The following KCTD13 variants were observed in gnomAD, a reference collection of about 807,000 sequenced individuals.
The protein encoded by KCTD13 is BTB/POZ domain-containing adapter for CUL3-mediated RhoA degradation protein 1.
KCTD13 carries 15 observed loss-of-function variants against 32.3 expected under a neutral mutation model. The ratio of observed to expected loss-of-function variants is 0.46; its 90% CI spans 0.31 to 0.71. The LOEUF (loss-of-function observed/expected upper bound fraction) is 0.71. Ranked by LOEUF, KCTD13 falls within the 30% of genes least tolerant of loss-of-function variation. The pLI, the probability that KCTD13 is intolerant of heterozygous loss-of-function variation, is 0.05. For synonymous variants in KCTD13, 189 were observed against 200.1 expected (o/e 0.94, Z 0.47); for missense variants, 337 against 452.6 (o/e 0.74, Z 2.32).
intron 2 of KCTD13, chr16:29,922,949 AG>A (rs2068937377): frequency 2.4e-5 from 12 of 499,874 alleles, no homozygotes; most frequent in Non-Finnish European, 4.2e-5. Context: ...CTGGCTGCAT[AG>A]GAACAGTGGG....
At chr16:29,911,739 G>A in intron 4 of KCTD13, 76 bp downstream of exon 4, 3 of 1,519,576 alleles carry the variant, frequency 2.0e-6, no homozygotes, top group Non-Finnish European at 2.7e-6. Flanking sequence ...GTGTGGCCGT[G>A]GCCCTCGCCT....
chr16:29,915,995 A>G (rs1016292067), intron 2 of KCTD13, among the ~76,000 whole-genome samples: 2 of 151,884 alleles, frequency 1.3e-5, no homozygotes, highest in East Asian at 3.9e-4. Context: ...TCTCCTCTTC[A>G]GTTTTACTAT....
intron 5 of KCTD13, among the ~76,000 whole-genome samples, chr16:29,909,669 T>C (rs1183222504): frequency 1.3e-5 from 2 of 151,550 alleles, no homozygotes; most frequent in Non-Finnish European, 2.9e-5. Context: ...TTTTTGGCAA[T>C]GGGCCTTTCT....
At chr16:29,910,853 C>T in intron 5 of KCTD13, 125 bp downstream of exon 5, 1 of 824,248 alleles carries the variant, frequency 1.2e-6, no homozygotes, top group Non-Finnish European at 1.9e-6. Context: ...GTTGTGCACC[C>T]CAGACCCCAG....
chr16:29,925,762 G>C (rs1449517045), intron 1 of KCTD13, 28 bp downstream of exon 1: 4 of 1,600,416 alleles, frequency 2.5e-6, no homozygotes, highest in Middle Eastern at 1.7e-4. Flanking sequence ...GGTCTGGGGT[G>C]GGGGCACGGT....
rs1382035113 is a variant in KCTD13, at chr16:29,923,254, A to G, written c.350T>C (p.Leu117Pro). The G allele has an allele frequency of 6.2e-7, 1 of 1,614,148 alleles. No individual in the cohort carries two copies. The highest frequency in any genetic ancestry group is 8.5e-7 in the Non-Finnish European group (1 of 1,180,038). ...CAGGTAGTAGCGTGCTTCGCCCAGCAGCTCCCCCAGTTCTCTCGTACTCTC... is the reference window on the plus strand; with the variant it reads ...CAGGTAGTAGCGTGCTTCGCCCAGCGGCTCCCCCAGTTCTCTCGTACTCTC... ...LPESTRELGE[L>P]LGEARYYLVQ... The change falls in exon 2 of 6, where the codon CTG becomes CCG. Residue 117 changes from leucine (L) to proline (P), a missense_variant. Physicochemically the swap from Leu to Pro is moderately conservative, Grantham distance 98. Transcript: ENST00000568000.
intron 2 of KCTD13, among the ~76,000 whole-genome samples, chr16:29,915,971 TCTTTAA>T (rs565012059): frequency 1.7e-4 from 26 of 152,190 alleles, no homozygotes; most frequent in Non-Finnish European, 3.2e-4. Context: ...GTGTTTTTTT[TCTTTAA>T]CTTACTCTCT....
At chr16:29,925,686 T>C in intron 1 of KCTD13, 104 bp downstream of exon 1, 1 of 1,129,178 alleles carries the variant, frequency 8.9e-7, no homozygotes, top group Non-Finnish European at 1.3e-6. Flanking sequence ...GACTGGACAG[T>C]AGCGGGCAGA....
chr16:29,909,095 G>A (rs932108029), intron 5 of KCTD13, among the ~76,000 whole-genome samples: 3 of 152,066 alleles, frequency 2.0e-5, no homozygotes, highest in Admixed American at 1.3e-4. Flanking sequence ...AGCTTCCACT[G>A]TGTGAAAAGG....
chr16:29,911,423 G>A (rs1479885662), intron 4 of KCTD13: 8 of 560,254 alleles, frequency 1.4e-5, no homozygotes, highest in Non-Finnish European at 2.5e-5. Context: ...CCACCTCCCC[G>A]GGGGTCCTGG....
At chr16:29,910,942 C>G in intron 5 of KCTD13, 36 bp downstream of exon 5, 5 of 1,586,300 alleles carry the variant, frequency 3.2e-6, no homozygotes, top group Non-Finnish European at 4.3e-6. Flanking sequence ...CCTGGCCACC[C>G]CCAGCCCCCA....
chr16:29,917,134 T>C (rs2068824091), intron 2 of KCTD13, among the ~76,000 whole-genome samples: 1 of 152,090 alleles, frequency 6.6e-6, no homozygotes, highest in Non-Finnish European at 1.5e-5. Context: ...TCTGCCCTAT[T>C]TGGTGTGGGA....
At chr16:29,924,004 G>A (rs1455836817) in intron 1 of KCTD13, among the ~76,000 whole-genome samples, 2 of 151,690 alleles carry the variant, frequency 1.3e-5, no homozygotes, top group African/African-American at 2.4e-5. Flanking sequence ...GAGAAATCCC[G>A]TCTTTACTAA....
In KCTD13 at chr16:29,911,193, G is replaced by A. The variant is rs1326362197; in HGVS notation, c.558-20C>T. ...GAAGTGCTGGGGACCAGGGGACCAGGAGGCCTCAGCGCAGTTGGCACCCCT... is the reference window on the plus strand; with the variant it reads ...GAAGTGCTGGGGACCAGGGGACCAGAAGGCCTCAGCGCAGTTGGCACCCCT... On this transcript the variant is annotated intron_variant, in intron 4 of 5. Coordinates refer to ENST00000568000, the MANE Select transcript of KCTD13 (RefSeq NM_178863.5). 1.9e-6 allele frequency: 3 copies of A among 1,608,056 alleles called. No individual in the cohort carries two copies. Among genetic ancestry groups the A allele is most frequent in the African/African-American group, 2.7e-5 (2 of 74,838 alleles).
chr16:29,907,057 A>C lies in KCTD13; in HGVS notation c.805T>G (p.Tyr269Asp). 1 of 1,613,554 alleles carries C rather than the reference A, an allele frequency of 6.2e-7. No homozygotes were observed. Among genetic ancestry groups the C allele is most frequent in the Non-Finnish European group, 8.5e-7 (1 of 1,179,526 alleles). ...GGGTCTGGGCCCCGGGGAGTCTCGT[A>C]GATGAGGATGTTCAGGGTCTCCTCG... ...IFEETLNILI[Y>D]ETPRGPDPAL... The change falls in exon 6 of 6, where the codon TAC (tyrosine) becomes GAC (aspartate). Residue 269 changes from tyrosine to aspartate, a missense_variant. Tyr to Asp is a radical substitution (Grantham distance 160). This residue lies in a region of KCTD13 where 252 missense variants were observed against 340.2 expected (regional missense o/e 0.74). Coordinates refer to ENST00000568000, the MANE Select transcript of KCTD13 (RefSeq NM_178863.5).
In KCTD13 at chr16:29,911,971, T is replaced by C. The variant is rs1464351006; in HGVS notation, c.493A>G (p.Ser165Gly). 6.2e-7 allele frequency: 1 copy of C among 1,611,530 alleles called. No individual in the cohort carries two copies. The highest frequency in any genetic ancestry group is 1.7e-4 in the Middle Eastern group (1 of 5,992). The change falls in exon 3 of 6, where the codon AGC (serine) becomes GGC (glycine). Residue 165 changes from serine to glycine, a missense_variant. Ser to Gly is a moderately conservative substitution (Grantham distance 56, BLOSUM62 0). Around this residue, in one of 3 missense-constraint regions of KCTD13, gnomAD observed 252 missense variants for 340.2 expected, o/e 0.74. Transcript: ENST00000568000. Reference protein sequence around the residue: ...SPREEQQLLASTSKPVVKLLH... With the variant: ...SPREEQQLLAGTSKPVVKLLH... ...CTTGGGGGCCTCACCTTGGAGGTGC[T>C]GGCCAGGAGCTGCTGCTCCTCCCGG...
At chr16:29,924,487 C>T (rs770999897) in intron 1 of KCTD13, among the ~76,000 whole-genome samples, 1 of 152,074 alleles carries the variant, frequency 6.6e-6, no homozygotes, top group Non-Finnish European at 1.5e-5. Context: ...CAGTTCACTG[C>T]CATTTTAACT....
chr16:29,925,801 G>C lies in KCTD13; in HGVS notation c.233C>G (p.Thr78Ser), dbSNP rs201776658. 6.2e-7 allele frequency: 1 copy of C among 1,613,762 alleles called. No homozygotes were observed. The highest frequency in any genetic ancestry group is 1.3e-5 in the African/African-American group (1 of 75,010). The stretch of plus-strand genomic sequence containing the variant: ...GGCGCCGCTCGTACCTCCGGCATCG[G>C]TCAGCACCTCCACGCGGCCGCTGAA... ...AMFSGRVEVL[T>S]DAGGWVLIDR... The change falls in exon 1 of 6, where the codon ACC (threonine) becomes AGC (serine). Residue 78 changes from threonine to serine, a missense_variant. By Grantham distance (58) the Thr-to-Ser change is moderately conservative. This residue lies in a region of KCTD13 where 21 missense variants were observed against 52.7 expected (regional missense o/e 0.40). Transcript: ENST00000568000.
At chr16:29,910,713 C>T (rs1414136419) in intron 5 of KCTD13, among the ~76,000 whole-genome samples, 8 of 152,132 alleles carry the variant, frequency 5.3e-5, no homozygotes, top group Non-Finnish European at 1.0e-4. Context: ...AATGCATACA[C>T]CCCCATTTCA....
Sources: allele counts gnomAD v4.1 joint callset (sites outside exome capture counted in the v4.1 genomes callset), GRCh38; gene constraint gnomAD v4.1.1; regional missense constraint gnomAD v4.1.1; transcripts MANE v1.5; gene names NCBI Gene and HGNC (gene_info 2026-07-23, HGNC 2026-07-21).